Variants in SLC9A2 observed in about 807,000 individuals in gnomAD.
SLC9A2 encodes sodium/hydrogen exchanger 2.
In SLC9A2, 42 loss-of-function variants were observed where a neutral mutation model predicts 71.7. The ratio of observed to expected loss-of-function variants is 0.59; its 90% CI spans 0.46 to 0.76. The LOEUF (loss-of-function observed/expected upper bound fraction) is 0.76. Among genes scored for constraint, SLC9A2 ranks in the 30% least tolerant of loss-of-function variants. The pLI is 0.00. For synonymous variants in SLC9A2, 396 were observed against 392.5 expected, an observed-to-expected ratio of 1.01 and a Z score of -0.10; for missense variants, 829 against 1,017.4, an observed-to-expected ratio of 0.81 and a Z score of 2.52.
rs145591726 is a variant in SLC9A2 at position 102,629,057 on chromosome 2, G to T, written c.289+8920G>T. ...ATGTATACATATGCAGACACATAGAGACTAGGTCAAATTTCTAATTACGGT... is the reference window on the plus strand; with the variant it reads ...ATGTATACATATGCAGACACATAGATACTAGGTCAAATTTCTAATTACGGT... On this transcript the variant is annotated intron_variant, in intron 1 of 11. Coordinates refer to ENST00000233969, the MANE Select transcript of SLC9A2 (RefSeq NM_003048.6). Among the ~76,000 whole-genome samples the T allele has an allele frequency of 2.3e-3, 355 of 152,212 alleles. 2 individuals are homozygous for T. Among genetic ancestry groups the T allele is most frequent in the Middle Eastern group, 3.4e-3 (1 of 294 alleles).
rs966764096 is a variant in SLC9A2 at position 102,708,126 on chromosome 2, T to C, written c.2076T>C (p.Asn692=). 1 of 1,611,198 alleles carries C rather than the reference T, an allele frequency of 6.2e-7. No individual in the cohort carries two copies. The change falls in exon 12 of 12, where the codon AAT becomes AAC. Residue 692 remains asparagine (N), a synonymous_variant. Coordinates refer to ENST00000233969, the MANE Select transcript of SLC9A2 (RefSeq NM_003048.6). ...TCTTTTGCTCCGTGATAGATGGCAATAGCAGCGACTCAGACGCAGATGCCG... is the reference window on the plus strand; with the variant it reads ...TCTTTTGCTCCGTGATAGATGGCAACAGCAGCGACTCAGACGCAGATGCCG... ...KRRTISIADG[N]SSDSDADAGT...
intron 3 of SLC9A2, among the ~76,000 whole-genome samples, chr2:102,676,495 T>C (rs1677347099): frequency 6.6e-6 from 1 of 152,234 alleles, no homozygotes; most frequent in Non-Finnish European, 1.5e-5. Context: ...ATTTATGCAA[T>C]GGACAAGTCT....
At chr2:102,641,654 T>C (rs1470236419) in intron 1 of SLC9A2, among the ~76,000 whole-genome samples, 1 of 152,058 alleles carries the variant, frequency 6.6e-6, no homozygotes, top group Non-Finnish European at 1.5e-5. Context: ...GCATGCTGTG[T>C]GTAATCACCT....
intron 3 of SLC9A2, among the ~76,000 whole-genome samples, chr2:102,677,687 T>A (rs1677366990): frequency 6.6e-6 from 1 of 152,232 alleles, no homozygotes; most frequent in Non-Finnish European, 1.5e-5. Context: ...GCAAAATACA[T>A]GCCAGACACT....
chr2:102,662,931 G>A (rs1419753008), intron 2 of SLC9A2, among the ~76,000 whole-genome samples: 1 of 152,170 alleles, frequency 6.6e-6, no homozygotes, highest in African/African-American at 2.4e-5. Flanking sequence ...CAGAACTGTG[G>A]TGCCTGAGTG....
At position 102,708,121 on chromosome 2, in the gene SLC9A2, G is replaced by A. The variant is rs1678018631; in HGVS notation, c.2071G>A (p.Gly691Ser). 1 of 1,609,342 alleles carries A rather than the reference G, an allele frequency of 6.2e-7. No homozygotes were observed. Among genetic ancestry groups the A allele is most frequent in the Non-Finnish European group, 8.5e-7 (1 of 1,177,876 alleles). ...QKRRTISIAD[G>S]NSSDSDADAG... ...CCTTGTCTTTTGCTCCGTGATAGAT[G>A]GCAATAGCAGCGACTCAGACGCAGA... is the stretch of plus-strand genomic sequence containing the variant. The change falls in exon 12 of 12, where the codon GGC becomes AGC. Residue 691 changes from glycine (G) to serine (S), a missense_variant and splice_region_variant. Transcript: ENST00000233969.
At chr2:102,646,447 TAAC>T (rs753090648) in intron 1 of SLC9A2, among the ~76,000 whole-genome samples, 214 of 152,210 alleles carry the variant, frequency 1.4e-3, no homozygotes, top group African/African-American at 4.6e-3. Flanking sequence ...AATTCACACA[TAAC>T]AACATTAGAC....
chr2:102,681,666 G>C (rs1677455021), intron 3 of SLC9A2, among the ~76,000 whole-genome samples: 1 of 152,148 alleles, frequency 6.6e-6, no homozygotes, highest in Non-Finnish European at 1.5e-5. Context: ...CATTTAATAA[G>C]GCCATTCCTT....
intron 1 of SLC9A2, among the ~76,000 whole-genome samples, chr2:102,632,417 G>A (rs1340680238): frequency 6.6e-6 from 1 of 151,398 alleles, no homozygotes; most frequent in African/African-American, 2.4e-5. Context: ...GTGTAGACAT[G>A]GGCGTATTGT....
intron 1 of SLC9A2, among the ~76,000 whole-genome samples, chr2:102,646,979 A>G (rs984334017): frequency 6.6e-6 from 1 of 151,884 alleles, no homozygotes; most frequent in Non-Finnish European, 1.5e-5. Context: ...TAGATATGGA[A>G]CTCTCCACCC....
intron 1 of SLC9A2, among the ~76,000 whole-genome samples, chr2:102,621,387 T>C (rs1676133691): frequency 6.6e-6 from 1 of 151,048 alleles, no homozygotes. Flanking sequence ...CCCACTTTCA[T>C]ACTACCTTTA....
In SLC9A2 at chr2:102,701,509, C is replaced by T. The variant is rs139966727; in HGVS notation, c.1748+278C>T. Among the ~76,000 whole-genome samples the T allele has an allele frequency of 5.3e-3, 808 of 152,208 alleles. 12 individuals carry two copies. Among genetic ancestry groups the T allele is most frequent in the African/African-American group, 0.018 (760 of 41,498 alleles). ...CCTATTTTATGTATGTTTATGTTTA[C>T]AGACACCTTATTTAATATATATTGC... On this transcript the variant is annotated intron_variant, in intron 8 of 11. Transcript: ENST00000233969.
At chr2:102,635,895 T>C (rs1573400062) in intron 1 of SLC9A2, among the ~76,000 whole-genome samples, 1 of 152,216 alleles carries the variant, frequency 6.6e-6, no homozygotes. Flanking sequence ...TTTCTTTTTT[T>C]TTTTTTGATC....
chr2:102,647,838 A>G (rs1676756301), intron 1 of SLC9A2, among the ~76,000 whole-genome samples: 1 of 146,648 alleles, frequency 6.8e-6, no homozygotes, highest in Admixed American at 6.8e-5. Flanking sequence ...TCTGAAATTG[A>G]GGCAGTAATT....
intron 1 of SLC9A2, among the ~76,000 whole-genome samples, chr2:102,654,195 C>CTTTTTTTTTTTTTTTTTTTTT (rs34248413): frequency 2.2e-5 from 2 of 89,528 alleles, no homozygotes; most frequent in Non-Finnish European, 2.1e-5. Context: ...TTGGCTGACT[C>CTTTTTTTTTTTTTTTTTTTTT]TTTTTTTTTT....
At chr2:102,655,038 A>T (rs1558708890) in intron 1 of SLC9A2, among the ~76,000 whole-genome samples, 1 of 152,196 alleles carries the variant, frequency 6.6e-6, no homozygotes, top group Non-Finnish European at 1.5e-5. Context: ...TGGTGAGTGA[A>T]TGTGAAGTCC....
chr2:102,664,947 T>C (rs1677105323), intron 2 of SLC9A2, among the ~76,000 whole-genome samples, 153 bp from the exon 3 acceptor site: 1 of 152,214 alleles, frequency 6.6e-6, no homozygotes, highest in African/African-American at 2.4e-5. Context: ...TATTAAAATA[T>C]GAGACAAATG....
At chr2:102,673,475 G>C (rs1412671942) in intron 3 of SLC9A2, among the ~76,000 whole-genome samples, 3 of 152,050 alleles carry the variant, frequency 2.0e-5, no homozygotes, top group African/African-American at 7.2e-5. Flanking sequence ...TTTTAGACAA[G>C]AAAAAACTTG....
chr2:102,702,571 T>C, intron 9 of SLC9A2, 69 bp downstream of exon 9: 1 of 906,224 alleles, frequency 1.1e-6, no homozygotes, highest in Non-Finnish European at 1.8e-6. Context: ...GGTTTTGTGC[T>C]GTAACTGGAG....
Sources: allele counts gnomAD v4.1 joint callset (sites outside exome capture counted in the v4.1 genomes callset), GRCh38; gene constraint gnomAD v4.1.1; transcripts MANE v1.5; gene names NCBI Gene and HGNC (gene_info 2026-07-23, HGNC 2026-07-21).